Variants in TUSC3 observed in about 807,000 individuals in gnomAD.
TUSC3 encodes tumor suppressor candidate 3, also known as dolichyl-diphosphooligosaccharide--protein glycosyltransferase subunit TUSC3.
In TUSC3, 45 loss-of-function variants were observed where a neutral mutation model predicts 44.8. The observed-to-expected ratio is 1.00, with a 90% CI of 0.79 to 1.29. TUSC3 has a LOEUF of 1.29. TUSC3 is among the 50% of genes most tolerant of loss of function. The probability of loss-of-function intolerance (pLI) is 0.00; values close to 1 mark genes in which losing one functional copy is unlikely to be tolerated. For missense variants in TUSC3, 519 were observed against 437.9 expected (o/e 1.19, Z -1.65); for synonymous variants, 212 against 152.9 (o/e 1.39, Z -2.85).
At chr8:15,605,207 C>A (rs1563129572) in intron 1 of TUSC3, among the ~76,000 whole-genome samples, 1 of 151,830 alleles carries the variant, frequency 6.6e-6, no homozygotes, top group East Asian at 1.9e-4. Context: ...AGTATAGGAA[C>A]AGCAAAGAAG....
intron 2 of TUSC3, among the ~76,000 whole-genome samples, chr8:15,628,996 T>G (rs921194690): frequency 6.6e-6 from 1 of 152,332 alleles, no homozygotes; most frequent in Non-Finnish European, 1.5e-5. Context: ...AAGCTAGATT[T>G]CCACAAGGGT....
chr8:15,505,795 G>A (rs116944713), intron 2 of TUSC3, among the ~76,000 whole-genome samples: 1,772 of 152,024 alleles, frequency 0.012, 17 homozygotes, highest in Non-Finnish European at 0.019. Context: ...CAGAGTAAGC[G>A]ACAATTCCTA....
At chr8:15,481,760 C>T (rs534313064) in intron 1 of TUSC3, among the ~76,000 whole-genome samples, 4 of 152,254 alleles carry the variant, frequency 2.6e-5, no homozygotes, top group Admixed American at 6.5e-5. Flanking sequence ...CTAACAATTA[C>T]GTGAGCCTTC....
Position 15,450,072 on chromosome 8 carries a change from C to T in TUSC3, n.91+32767C>T, listed in dbSNP as rs145005765. The stretch of plus-strand genomic sequence containing the variant: ...CAAAATTGCCTAACAATGCATTTCT[C>T]AGAACGTATTCTTGTCATTGAGTGA... On this transcript the variant is annotated intron_variant and non_coding_transcript_variant, in intron 1 of 5. Coordinates refer to the TUSC3 transcript ENST00000503191. Among the ~76,000 whole-genome samples, 20 of 152,248 alleles carry T rather than the reference C, an allele frequency of 1.3e-4. No homozygotes were observed. In the East Asian group the frequency reaches 3.9e-3, roughly 30 times the overall value.
the TUSC3 span, among the ~76,000 whole-genome samples, chr8:15,832,805 G>A: frequency 6.6e-6 from 1 of 152,102 alleles, no homozygotes; most frequent in Non-Finnish European, 1.5e-5. Flanking sequence ...GACCTTTAAA[G>A]AGACTTTTAC....
At chr8:15,787,425 G>T in the TUSC3 span, among the ~76,000 whole-genome samples, 2 of 152,086 alleles carry the variant, frequency 1.3e-5, no homozygotes, top group Admixed American at 6.5e-5. Flanking sequence ...CCCGTCAACA[G>T]ATTATATATT....
At position 15,730,871 on chromosome 8, in the gene TUSC3, T is replaced by G. The variant is rs1810694461; in HGVS notation, c.862+142T>G. 5.6e-6 allele frequency: 4 copies of G among 719,378 alleles called. No individual in the cohort carries two copies. The Middle Eastern group carries it at 7.8e-4, about 141-fold the overall frequency. 44.6% of individuals were successfully genotyped at this position (719,378 alleles called of 1,614,324 possible). On this transcript the variant is annotated intron_variant, in intron 7 of 10. Coordinates refer to ENST00000503731, the MANE Select transcript of TUSC3 (RefSeq NM_006765.4). Reference sequence around the variant, plus strand: ...TGTACTATATGACTAATTTTTATTTTTTATGCTAATTATTTCCTATTACGG... The same window carrying G: ...TGTACTATATGACTAATTTTTATTTGTTATGCTAATTATTTCCTATTACGG...
At chr8:15,507,400 T>C (rs1164824376) in intron 2 of TUSC3, among the ~76,000 whole-genome samples, 1 of 152,176 alleles carries the variant, frequency 6.6e-6, no homozygotes, top group Non-Finnish European at 1.5e-5. Flanking sequence ...CAAAATCCTC[T>C]TAATAAAGAA....
chr8:15,673,907 T>C, intron 6 of TUSC3, 71 bp downstream of exon 6: 1 of 1,279,934 alleles, frequency 7.8e-7, no homozygotes, highest in Non-Finnish European at 1.1e-6. Flanking sequence ...GAAATTATGT[T>C]TAGTATTTAG....
At chr8:15,610,876 G>T (rs778022048) in intron 1 of TUSC3, among the ~76,000 whole-genome samples, 28 of 152,216 alleles carry the variant, frequency 1.8e-4, no homozygotes, top group Non-Finnish European at 3.8e-4. Flanking sequence ...TCTCCTCAGG[G>T]AAAATTTCTG....
intron 2 of TUSC3, among the ~76,000 whole-genome samples, chr8:15,517,736 A>G (rs1392702340): frequency 3.3e-5 from 5 of 152,014 alleles, no homozygotes; most frequent in African/African-American, 4.8e-5. Flanking sequence ...CTTCAATTAC[A>G]TATTTCTGGG....
Position 15,596,468 on chromosome 8 carries a change from A to G in TUSC3, c.139-26612A>G, listed in dbSNP as rs139966700. On this transcript the variant is annotated intron_variant, in intron 1 of 10. Transcript: ENST00000503731. Reference sequence around the variant, plus strand: ...CAGAGTGCCAACTTTTCTTATATGCATGTTCCGCAAGACCAACTGCAGGGC... The same window carrying G: ...CAGAGTGCCAACTTTTCTTATATGCGTGTTCCGCAAGACCAACTGCAGGGC... 4.9e-3 allele frequency among the ~76,000 whole-genome samples: 746 copies of G among 152,218 alleles called. 6 individuals are homozygous for G. The highest frequency in any genetic ancestry group is 0.017 in the African/African-American group (690 of 41,550).
chr8:15,832,936 T>C, the TUSC3 span, among the ~76,000 whole-genome samples: 2 of 152,140 alleles, frequency 1.3e-5, no homozygotes, highest in Admixed American at 1.3e-4. Context: ...ATGGATGTGA[T>C]AGATATCTAC....
chr8:15,471,249 C>T (rs1800490006), intron 1 of TUSC3, among the ~76,000 whole-genome samples: 1 of 152,084 alleles, frequency 6.6e-6, no homozygotes, highest in Admixed American at 6.6e-5. Context: ...ATGTTTATTT[C>T]AGTGTTTAGT....
chr8:15,623,344 CAGT>C, intron 2 of TUSC3, 95 bp downstream of exon 2: 5 of 1,266,274 alleles, frequency 3.9e-6, no homozygotes, highest in Middle Eastern at 5.7e-4. Context: ...GTAAGATAAA[CAGT>C]TGTTTAATAG....
intron 6 of TUSC3, among the ~76,000 whole-genome samples, chr8:15,692,466 C>T (rs1322262970): frequency 7.0e-6 from 1 of 142,838 alleles, no homozygotes; most frequent in South Asian, 2.3e-4. Flanking sequence ...GCTTTGAATC[C>T]AGCTGGTCCT....
intron 2 of TUSC3, among the ~76,000 whole-genome samples, chr8:15,518,829 A>C (rs994746415): frequency 6.6e-6 from 1 of 152,220 alleles, no homozygotes; most frequent in Admixed American, 6.5e-5. Context: ...TTGTATGCTC[A>C]AATTCCCATC....
the TUSC3 span, among the ~76,000 whole-genome samples, chr8:15,787,085 A>G: frequency 2.6e-5 from 4 of 152,066 alleles, no homozygotes; most frequent in East Asian, 1.9e-4. Context: ...TACCCACCCT[A>G]CCACACTGCT....
intron 2 of TUSC3, among the ~76,000 whole-genome samples, chr8:15,520,833 G>T (rs977148659): frequency 6.6e-6 from 1 of 152,190 alleles, no homozygotes; most frequent in African/African-American, 2.4e-5. Flanking sequence ...ATGCAGAAAT[G>T]AGTAAATTGA....
Sources: gnomAD v4.1 joint callset for allele counts (sites outside exome capture counted in the v4.1 genomes callset) on GRCh38, gnomAD v4.1.1 for gene constraint, MANE v1.5 for transcripts, NCBI Gene and HGNC (gene_info 2026-07-23, HGNC 2026-07-21) for gene names.